Variants in PDZD2 observed in about 807,000 individuals in gnomAD.
The protein encoded by PDZD2 is PDZ domain containing 2.
In PDZD2, 90 loss-of-function variants were observed where a neutral mutation model predicts 220.7. That is an observed-to-expected ratio of 0.41 (90% confidence interval 0.34 to 0.49). The LOEUF (loss-of-function observed/expected upper bound fraction) is 0.49. Ranked by LOEUF, PDZD2 falls within the 20% of genes least tolerant of loss-of-function variation. The pLI is 0.28. For missense variants in PDZD2, 3,174 were observed against 3,608.5 expected (o/e 0.88, Z 3.08); for synonymous variants, 1,375 against 1,450.5 (o/e 0.95, Z 1.18).
chr5:31,904,192 CAATT>C (rs1373212407), intron 2 of PDZD2, among the ~76,000 whole-genome samples: 1 of 152,098 alleles, frequency 6.6e-6, no homozygotes, highest in Non-Finnish European at 1.5e-5. Flanking sequence ...CTTATAAGCT[CAATT>C]AATAAGAACT....
intron 2 of PDZD2, among the ~76,000 whole-genome samples, chr5:31,949,676 T>C (rs941140470): frequency 6.6e-6 from 1 of 151,058 alleles, no homozygotes. Flanking sequence ...AGCTTTTTTT[T>C]TTTTTTTTTT....
chr5:31,978,810 G>A (rs1750025341), intron 2 of PDZD2, among the ~76,000 whole-genome samples: 1 of 151,924 alleles, frequency 6.6e-6, no homozygotes, highest in Non-Finnish European at 1.5e-5. Context: ...CCCTTTGTCT[G>A]CAGGAAGACC....
chr5:31,752,880 A>G (rs1463703932), intron 1 of PDZD2, among the ~76,000 whole-genome samples: 2 of 152,052 alleles, frequency 1.3e-5, no homozygotes, highest in Admixed American at 6.6e-5. Context: ...TCTTATGCCA[A>G]CATCTTCTCA....
rs374413800 is a variant in PDZD2 at position 31,984,612 on chromosome 5, C to A, written c.978+956C>A. Among the ~76,000 whole-genome samples the A allele has an allele frequency of 6.8e-4, 104 of 152,214 alleles. 1 individual carries two copies. The East Asian group carries it at 0.015, about 22-fold the overall frequency. ...GTCCCAGCAGCTTGTGACTGTAGTC[C>A]CAGCATCTTGGGAGGCTAAGGATGG... On this transcript the variant is annotated intron_variant, in intron 3 of 24. Coordinates refer to ENST00000438447, the MANE Select transcript of PDZD2 (RefSeq NM_178140.4).
Position 32,073,966 on chromosome 5 carries a change from A to G in PDZD2, c.2860A>G (p.Asn954Asp). Residue 954 changes from asparagine to aspartate, a missense_variant, in exon 18 of 25, where the codon AAC becomes GAC. This residue lies in a region of PDZD2 where 1,861 missense variants were observed against 2,001.0 expected (regional missense o/e 0.93). Coordinates refer to ENST00000438447, the MANE Select transcript of PDZD2 (RefSeq NM_178140.4). ...SLPGSPQALR[N>D]PLLRQRKVGC... ...CCCCGGAAGCCCACAGGCCCTCCGA[A>G]ACCCTCTCCTCCGCCAGAGGAAGGT... 6.2e-7 allele frequency: 1 copy of G among 1,614,154 alleles called. No individual in the cohort carries two copies. Among genetic ancestry groups the G allele is most frequent in the Non-Finnish European group, 8.5e-7 (1 of 1,180,020 alleles).
chr5:31,929,848 G>A (rs1052765858), intron 2 of PDZD2, among the ~76,000 whole-genome samples: 1 of 152,182 alleles, frequency 6.6e-6, no homozygotes, highest in African/African-American at 2.4e-5. Flanking sequence ...GTCTCCTGTT[G>A]AAATGGGATT....
intron 2 of PDZD2, among the ~76,000 whole-genome samples, chr5:31,857,295 A>G (rs908482276): frequency 6.6e-6 from 1 of 152,186 alleles, no homozygotes; most frequent in Non-Finnish European, 1.5e-5. Flanking sequence ...CCAGTTGCAC[A>G]TCCATCATTG....
intron 2 of PDZD2, among the ~76,000 whole-genome samples, chr5:31,967,762 A>G (rs1748884519): frequency 6.6e-6 from 1 of 152,094 alleles, no homozygotes; most frequent in Admixed American, 6.5e-5. Flanking sequence ...TCTGTTTTTC[A>G]GCCCTGGGCA....
At chr5:31,837,135 G>T (rs1756994029) in intron 2 of PDZD2, among the ~76,000 whole-genome samples, 1 of 152,182 alleles carries the variant, frequency 6.6e-6, no homozygotes, top group South Asian at 2.1e-4. Context: ...AATTCCTGCT[G>T]TGTAATAAGA....
intron 2 of PDZD2, among the ~76,000 whole-genome samples, chr5:31,888,263 G>A (rs976420514): frequency 6.6e-6 from 1 of 151,260 alleles, no homozygotes. Flanking sequence ...TATGATCTCA[G>A]CTCACTGCAA....
At chr5:32,047,170 C>T (rs942383428) in intron 7 of PDZD2, among the ~76,000 whole-genome samples, 1 of 152,124 alleles carries the variant, frequency 6.6e-6, no homozygotes, top group Non-Finnish European at 1.5e-5. Context: ...GAAAGGAACA[C>T]AGCCAATGAA....
intron 1 of PDZD2, among the ~76,000 whole-genome samples, chr5:31,674,206 C>T (rs185903161): frequency 8.5e-5 from 13 of 152,240 alleles, no homozygotes; most frequent in Non-Finnish European, 1.8e-4. Context: ...TGGCTTAGAC[C>T]AACAGGCTTC....
At chr5:31,811,423 T>C (rs1229980291) in intron 2 of PDZD2, among the ~76,000 whole-genome samples, 1 of 152,256 alleles carries the variant, frequency 6.6e-6, no homozygotes, top group Non-Finnish European at 1.5e-5. Context: ...CCCTCAGGGC[T>C]CTTTGTTCAC....
chr5:31,765,070 G>A (rs2150191205), intron 1 of PDZD2, among the ~76,000 whole-genome samples: 1 of 49,598 alleles, frequency 2.0e-5, no homozygotes, highest in East Asian at 5.7e-4. Context: ...GAGCAAGACT[G>A]CGTCTCAAGA....
intron 2 of PDZD2, among the ~76,000 whole-genome samples, chr5:31,944,530 T>C (rs1485700882): frequency 6.6e-6 from 1 of 152,192 alleles, no homozygotes; most frequent in Non-Finnish European, 1.5e-5. Context: ...TAGTTGTAGG[T>C]AGCTTAAGTA....
At chr5:32,054,075 C>T (rs1216920595) in intron 10 of PDZD2, among the ~76,000 whole-genome samples, 192 bp downstream of exon 10, 6 of 152,108 alleles carry the variant, frequency 3.9e-5, no homozygotes, top group African/African-American at 4.8e-5. Flanking sequence ...CTTGAAGAGT[C>T]GTTGTCAGGA....
At chr5:31,787,100 A>G (rs1753423937) in intron 1 of PDZD2, among the ~76,000 whole-genome samples, 2 of 152,192 alleles carry the variant, frequency 1.3e-5, no homozygotes, top group Admixed American at 6.5e-5. Flanking sequence ...TCCATACCAC[A>G]TGGACAGGAT....
At chr5:31,880,791 C>CTTTTTTTCTTT (rs1580978227) in intron 2 of PDZD2, among the ~76,000 whole-genome samples, 13 of 76,468 alleles carry the variant, frequency 1.7e-4, no homozygotes, top group South Asian at 5.0e-4. Flanking sequence ...TTTTTTTTTT[C>CTTTTTTTCTTT]TTTTTTTTTT....
Position 31,917,964 on chromosome 5 carries a change from C to T in PDZD2, c.477-65191C>T, listed in dbSNP as rs545807985. On this transcript the variant is annotated intron_variant, in intron 2 of 24. Transcript: ENST00000438447. ...AAGTTGGCCAGGCTGGTCTCAAACT[C>T]GTGACCTCAGGTGAGCCACCGTGCC... Among the ~76,000 whole-genome samples the T allele has an allele frequency of 2.6e-5, 4 of 152,226 alleles. No individual in the cohort carries two copies. The South Asian group carries it at 8.3e-4, about 32-fold the overall frequency.
Sources: allele counts gnomAD v4.1 joint callset (sites outside exome capture counted in the v4.1 genomes callset), GRCh38; gene constraint gnomAD v4.1.1; regional missense constraint gnomAD v4.1.1; transcripts MANE v1.5; gene names NCBI Gene and HGNC (gene_info 2026-07-23, HGNC 2026-07-21).